The following LITAF variants were observed in gnomAD, a reference collection of about 807,000 sequenced individuals.
LITAF encodes the protein lipopolysaccharide-induced tumor necrosis factor-alpha factor.
In LITAF, 9 loss-of-function variants were observed where a neutral mutation model predicts 14.5. The observed-to-expected ratio is 0.62, with a 90% CI of 0.37 to 1.08. LITAF has a LOEUF of 1.08. Among genes scored for constraint, LITAF ranks in the 50% least tolerant of loss-of-function variants. LITAF has a pLI of 0.01. For missense variants in LITAF, 206 were observed against 213.4 expected (o/e 0.97, Z 0.22); for synonymous variants, 98 against 88.2 (o/e 1.11, Z -0.62).
At chr16:11,582,061 TA>T (rs968089384) in intron 1 of LITAF, among the ~76,000 whole-genome samples, 3 of 152,172 alleles carry the variant, frequency 2.0e-5, no homozygotes, top group Admixed American at 6.6e-5. Context: ...ATTCAGTGTA[TA>T]TTTTCAAATA....
rs1361336034 is a variant in LITAF at position 11,632,043 on chromosome 16, C to CT, written c.85+1489dup. Among the ~76,000 whole-genome samples, 6 of 151,564 alleles carry CT rather than the reference C, an allele frequency of 4.0e-5. No individual in the cohort carries two copies. Among genetic ancestry groups the CT allele is most frequent in the African/African-American group, 1.2e-4 (5 of 41,258 alleles). On this transcript the variant is annotated intron_variant, in intron 3 of 3. Transcript: ENST00000574848. This position sits in a 1 kb window ranked among gnomAD's most constrained non-coding sequence, Gnocchi z 4.8. ...CACCACGCCCGGCTAATTTTTTTGTCTTTTTAGTAGAGACGGGGTTTCACC... is the reference window on the plus strand; with the variant it reads ...CACCACGCCCGGCTAATTTTTTTGTCTTTTTTAGTAGAGACGGGGTTTCACC...
chr16:11,549,594 G>C lies in LITAF; in HGVS notation c.*43C>G. 6.8e-7 allele frequency: 1 copy of C among 1,463,664 alleles called. No homozygotes were observed. Among genetic ancestry groups the C allele is most frequent in the Non-Finnish European group, 9.5e-7 (1 of 1,054,130 alleles). 90.7% of individuals were successfully genotyped at this position (1,463,664 alleles called of 1,614,324 possible). A position where few individuals can be genotyped will look rare whatever the true frequency, so the allele number is the denominator to read the frequency against. On this transcript the variant is annotated 3_prime_UTR_variant, in exon 4 of 4. Transcript: ENST00000622633. This position sits in a 1 kb window ranked among gnomAD's most constrained non-coding sequence, Gnocchi z 4.6. ...CGTGAAGCTGGATGAGAGGTGGAAAGGACTTCCTGCGGCACCCGGCTCCCT... is the reference window on the plus strand; with the variant it reads ...CGTGAAGCTGGATGAGAGGTGGAAACGACTTCCTGCGGCACCCGGCTCCCT...
intron 1 of LITAF, among the ~76,000 whole-genome samples, chr16:11,571,142 A>G (rs968285406): frequency 6.6e-6 from 1 of 152,052 alleles, no homozygotes; most frequent in Admixed American, 6.6e-5. Context: ...ATCTCAGCTC[A>G]CTGCAACCTC....
chr16:11,559,480 T>C (rs1226879071), intron 1 of LITAF, among the ~76,000 whole-genome samples: 1 of 152,136 alleles, frequency 6.6e-6, no homozygotes, highest in Non-Finnish European at 1.5e-5. Flanking sequence ...GAACACTGAA[T>C]ATAGATCAAA....
chr16:11,628,408 T>A (rs1318614552), intron 3 of LITAF, among the ~76,000 whole-genome samples: 1 of 152,216 alleles, frequency 6.6e-6, no homozygotes, highest in East Asian at 1.9e-4. Flanking sequence ...CAGTAGATGC[T>A]CTCAGAGCAC....
intron 1 of LITAF, among the ~76,000 whole-genome samples, chr16:11,578,043 G>A (rs996041922): frequency 2.0e-5 from 3 of 152,068 alleles, no homozygotes. Context: ...CTACAGGTGT[G>A]CACCACCACA....
At chr16:11,578,350 G>C (rs143600577) in intron 1 of LITAF, among the ~76,000 whole-genome samples, 19 of 152,158 alleles carry the variant, frequency 1.2e-4, no homozygotes, top group Non-Finnish European at 2.6e-4. Context: ...CTGAGGTCGG[G>C]AGTTCGAGAC....
At chr16:11,590,147 AG>A (rs1204589226), upstream of LITAF, among the ~76,000 whole-genome samples, 1 of 113,994 alleles carries the variant, frequency 8.8e-6, no homozygotes, top group Non-Finnish European at 1.7e-5. Flanking sequence ...AAAAAGAGAG[AG>A]AGAGAATGTA....
At chr16:11,594,875 C>CA (rs1229825693) in intron 1 of LITAF, among the ~76,000 whole-genome samples, 1 of 97,850 alleles carries the variant, frequency 1.0e-5, no homozygotes, top group Non-Finnish European at 2.0e-5. Context: ...GACTCCATCT[C>CA]AAAAAAATAA....
At chr16:11,633,344 G>C (rs2065126318) in intron 3 of LITAF, among the ~76,000 whole-genome samples, 1 of 152,174 alleles carries the variant, frequency 6.6e-6, no homozygotes, top group African/African-American at 2.4e-5. Flanking sequence ...TAGTGTCAGA[G>C]GGGTTTGAAC....
At chr16:11,579,441 G>C (rs1260300218) in intron 1 of LITAF, among the ~76,000 whole-genome samples, 1 of 149,768 alleles carries the variant, frequency 6.7e-6, no homozygotes, top group Non-Finnish European at 1.5e-5. Context: ...CTGGGCGACA[G>C]AGCGAGACTC....
intron 3 of LITAF, among the ~76,000 whole-genome samples, chr16:11,615,668 T>TA (rs1225523996): frequency 6.6e-6 from 1 of 152,062 alleles, no homozygotes; most frequent in Non-Finnish European, 1.5e-5. Flanking sequence ...ACTATGTCTT[T>TA]AAAAATAAAT....
In LITAF at chr16:11,553,818, G is replaced by T; in HGVS notation, c.221-129C>A. 1 of 1,084,322 alleles carries T rather than the reference G, an allele frequency of 9.2e-7. No homozygotes were observed. Among genetic ancestry groups the T allele is most frequent in the Non-Finnish European group, 1.4e-6 (1 of 737,078 alleles). 67.2% of individuals were successfully genotyped at this position (1,084,322 alleles called of 1,614,324 possible). ...ATTTGTACATTTGTGTTCATAGCAT[G>T]CGTTCATCGTCTGGCTATCTATGAG... On this transcript the variant is annotated intron_variant, in intron 2 of 3. Coordinates refer to ENST00000622633, the MANE Select transcript of LITAF (RefSeq NM_001136472.2). This position sits in a 1 kb window ranked among gnomAD's most constrained non-coding sequence, Gnocchi z 7.7.
At chr16:11,617,426 CTTT>C (rs71136673) in intron 3 of LITAF, among the ~76,000 whole-genome samples, 159 of 73,736 alleles carry the variant, frequency 2.2e-3, no homozygotes, top group African/African-American at 8.1e-3. Context: ...TGGCTTCACT[CTTT>C]TTTTTTTTTT....
chr16:11,633,444 C>T (rs972115135), intron 3 of LITAF: 4 of 152,166 alleles, frequency 2.6e-5, no homozygotes, highest in South Asian at 2.1e-4. Flanking sequence ...TTCTAAGTCA[C>T]GGGATGAGAT....
intron 3 of LITAF, among the ~76,000 whole-genome samples, chr16:11,630,381 C>G (rs1053937290): frequency 3.3e-5 from 5 of 152,276 alleles, no homozygotes; most frequent in East Asian, 1.9e-4. Context: ...CAATGATGTC[C>G]TAAAGCCCTG....
intron 1 of LITAF, among the ~76,000 whole-genome samples, chr16:11,596,323 T>G (rs185659788): frequency 5.9e-5 from 9 of 151,864 alleles, no homozygotes; most frequent in African/African-American, 1.7e-4. Flanking sequence ...ATGGGAGGCC[T>G]GATCCACTTA....
At chr16:11,582,598 CCCA>C in intron 1 of LITAF, among the ~76,000 whole-genome samples, 1 of 152,204 alleles carries the variant, frequency 6.6e-6, no homozygotes, top group South Asian at 2.1e-4. Context: ...CTAAGCTAGG[CCCA>C]TGAATATGTA....
upstream of LITAF, among the ~76,000 whole-genome samples, chr16:11,602,688 C>A (rs765611039): frequency 6.8e-6 from 1 of 147,948 alleles, no homozygotes; most frequent in South Asian, 2.1e-4. Context: ...TTGAGTTACA[C>A]TTGTGTTTTA....
Sources: allele counts gnomAD v4.1 joint callset (sites outside exome capture counted in the v4.1 genomes callset), GRCh38; gene constraint gnomAD v4.1.1; non-coding constraint Gnocchi (gnomAD v3.1); transcripts MANE v1.5; gene names NCBI Gene and HGNC (gene_info 2026-07-23, HGNC 2026-07-21).